Variants in LUZP2 observed in about 807,000 individuals in gnomAD.
The protein encoded by LUZP2 is leucine zipper protein 2.
LUZP2 carries 52 observed loss-of-function variants against 51.6 expected under a neutral mutation model. That is an observed-to-expected ratio of 1.01 (90% CI 0.81 to 1.27). The LOEUF (loss-of-function observed/expected upper bound fraction) is 1.27, where lower values mean the gene tolerates loss of function less well. Ranked by LOEUF, LUZP2 falls within the 50% of genes most tolerant of loss-of-function variation. The pLI is 0.00. For synonymous variants in LUZP2, 154 were observed against 137.3 expected, an observed-to-expected ratio of 1.12 and a Z score of -0.85; for missense variants, 436 against 395.4, an observed-to-expected ratio of 1.10 and a Z score of -0.87.
At chr11:24,709,069 G>A (rs758011366) in intron 1 of LUZP2, among the ~76,000 whole-genome samples, 53 of 152,242 alleles carry the variant, frequency 3.5e-4, no homozygotes, top group Non-Finnish European at 6.6e-4. Flanking sequence ...CAAAGAAGAG[G>A]ATTTTCAGTT....
intron 7 of LUZP2, among the ~76,000 whole-genome samples, chr11:24,929,792 G>A (rs1019426113): frequency 1.2e-4 from 19 of 152,110 alleles, no homozygotes; most frequent in African/African-American, 4.6e-4. Context: ...CTCTCCTGAT[G>A]ACCTGTCTAG....
At chr11:24,600,792 T>A (rs2133861837) in intron 1 of LUZP2, among the ~76,000 whole-genome samples, 1 of 152,242 alleles carries the variant, frequency 6.6e-6, no homozygotes, top group East Asian at 1.9e-4. Context: ...GGTATGCATT[T>A]GCATTACCTA....
chr11:25,025,400 A>T (rs1188956418), intron 9 of LUZP2, among the ~76,000 whole-genome samples: 2 of 152,228 alleles, frequency 1.3e-5, no homozygotes, highest in African/African-American at 4.8e-5. Flanking sequence ...TACCCATCTG[A>T]CAAAGGGCTA....
At chr11:24,984,547 T>TAAAA (rs1168966553) in intron 9 of LUZP2, among the ~76,000 whole-genome samples, 2 of 105,908 alleles carry the variant, frequency 1.9e-5, no homozygotes, top group South Asian at 3.1e-4. Flanking sequence ...TATATATATA[T>TAAAA]ATAATTGTGA....
At chr11:24,598,995 A>T (rs779510198) in intron 1 of LUZP2, among the ~76,000 whole-genome samples, 1 of 152,144 alleles carries the variant, frequency 6.6e-6, no homozygotes, top group African/African-American at 2.4e-5. Context: ...CATTCAGTAC[A>T]TGTGGGAACC....
At chr11:24,589,777 G>GT (rs907858540) in intron 1 of LUZP2, among the ~76,000 whole-genome samples, 5 of 152,074 alleles carry the variant, frequency 3.3e-5, no homozygotes, top group Non-Finnish European at 7.4e-5. Context: ...ACCTTGACCT[G>GT]TTGCCTCATT....
At chr11:24,896,334 A>C (rs1239286936) in intron 5 of LUZP2, among the ~76,000 whole-genome samples, 1 of 151,996 alleles carries the variant, frequency 6.6e-6, no homozygotes, top group Admixed American at 6.5e-5. Context: ...ATTGCGGGCC[A>C]CAGTGAGTTC....
intron 5 of LUZP2, among the ~76,000 whole-genome samples, chr11:24,855,599 G>C (rs189493856): frequency 2.6e-5 from 4 of 152,138 alleles, no homozygotes; most frequent in Non-Finnish European, 5.9e-5. Flanking sequence ...ATTCTTCACA[G>C]AATTAGAAAA....
intron 1 of LUZP2, among the ~76,000 whole-genome samples, chr11:24,609,805 A>T (rs969953421): frequency 6.6e-6 from 1 of 152,040 alleles, no homozygotes; most frequent in Non-Finnish European, 1.5e-5. Context: ...CAAACCAGCT[A>T]GAAATTCATC....
chr11:24,774,362 C>CTCTCTCTCTATATATATATATA (rs776739280), intron 5 of LUZP2, among the ~76,000 whole-genome samples: 7 of 76,338 alleles, frequency 9.2e-5, no homozygotes, highest in East Asian at 4.8e-4. Flanking sequence ...CTCTCTCTCT[C>CTCTCTCTCTATATATATATATA]TATATATATA....
chr11:24,515,554 G>A (rs184699723), intron 1 of LUZP2, among the ~76,000 whole-genome samples: 210 of 152,234 alleles, frequency 1.4e-3, no homozygotes, highest in African/African-American at 5.0e-3. Context: ...AAAGTGCAAA[G>A]AGTAAAGTTT....
intron 10 of LUZP2, among the ~76,000 whole-genome samples, chr11:25,065,249 T>A (rs1461252015): frequency 6.6e-6 from 1 of 152,064 alleles, no homozygotes; most frequent in Non-Finnish European, 1.5e-5. Context: ...TGGCACACAG[T>A]CATCACCTGG....
intron 1 of LUZP2, among the ~76,000 whole-genome samples, chr11:24,564,616 G>C (rs1852156845): frequency 6.6e-6 from 1 of 152,002 alleles, no homozygotes; most frequent in Non-Finnish European, 1.5e-5. Context: ...AGTGAAATTG[G>C]GACAATTTTC....
chr11:24,602,073 C>CGTATATATGTATATATGTGTATATAT (rs759155371), intron 1 of LUZP2, among the ~76,000 whole-genome samples: 1 of 86,028 alleles, frequency 1.2e-5, no homozygotes, highest in Admixed American at 1.2e-4. Context: ...TATATATATG[C>CGTATATATGTATATATGTGTATATAT]GTATATATGT....
intron 1 of LUZP2, among the ~76,000 whole-genome samples, chr11:24,578,956 C>A (rs1852757585): frequency 6.6e-6 from 1 of 152,076 alleles, no homozygotes; most frequent in Non-Finnish European, 1.5e-5. Context: ...AAGAAAGAAA[C>A]TTGATTTGTC....
intron 1 of LUZP2, among the ~76,000 whole-genome samples, chr11:24,607,039 G>C (rs1296599497): frequency 6.6e-6 from 1 of 151,754 alleles, no homozygotes; most frequent in Non-Finnish European, 1.5e-5. Context: ...ATATATTTTG[G>C]ATGTTAATCT....
chr11:24,692,267 C>T (rs1355312877), intron 1 of LUZP2, among the ~76,000 whole-genome samples: 3 of 151,932 alleles, frequency 2.0e-5, no homozygotes, highest in Admixed American at 6.6e-5. Context: ...GGCCCCAACT[C>T]ATCCTATGCA....
chr11:25,064,843 G>A (rs994742761), intron 10 of LUZP2, among the ~76,000 whole-genome samples: 1 of 152,088 alleles, frequency 6.6e-6, no homozygotes. Context: ...ACATTTGATA[G>A]TATGTCTTAA....
At chr11:24,823,318 G>T (rs930613173) in intron 5 of LUZP2, among the ~76,000 whole-genome samples, 2 of 151,278 alleles carry the variant, frequency 1.3e-5, no homozygotes, top group African/African-American at 4.9e-5. Flanking sequence ...TTCAAGTCTT[G>T]GTGTGTTTTA....
Sources: allele counts gnomAD v4.1 joint callset (sites outside exome capture counted in the v4.1 genomes callset), GRCh38; gene constraint gnomAD v4.1.1; transcripts MANE v1.5; gene names NCBI Gene and HGNC (gene_info 2026-07-23, HGNC 2026-07-21).